Variants in LRRC4C observed in about 807,000 individuals in gnomAD.
LRRC4C encodes leucine rich repeat containing 4C.
Under a neutral mutation model 33.6 loss-of-function variants are expected in LRRC4C, and 5 were observed. The observed-to-expected ratio is 0.15, with a 90% CI of 0.08 to 0.31. The LOEUF is 0.31. Ranked by LOEUF, LRRC4C falls within the 10% of genes least tolerant of loss-of-function variation. LRRC4C has a pLI of 1.00. For synonymous variants in LRRC4C, 329 were observed against 302.0 expected (o/e 1.09, Z -0.93); for missense variants, 560 against 796.7 (o/e 0.70, Z 3.58).
intron 1 of LRRC4C, among the ~76,000 whole-genome samples, chr11:40,965,561 G>A (rs2136926731): frequency 6.6e-6 from 1 of 152,202 alleles, no homozygotes; most frequent in Non-Finnish European, 1.5e-5. Flanking sequence ...TGTAAGGAAG[G>A]GATCCAGTTT....
chr11:40,578,492 T>C (rs1958319347), intron 3 of LRRC4C, among the ~76,000 whole-genome samples: 1 of 152,170 alleles, frequency 6.6e-6, no homozygotes, highest in Admixed American at 6.5e-5. Context: ...GGTCATAAGA[T>C]GACTTACCTC....
chr11:41,017,676 G>A (rs1207817667), intron 1 of LRRC4C, among the ~76,000 whole-genome samples: 1 of 151,600 alleles, frequency 6.6e-6, no homozygotes, highest in Non-Finnish European at 1.5e-5. Context: ...ATGGAGAAAA[G>A]TAAGGGAGAG....
At chr11:41,196,192 T>C (rs924557025) in intron 1 of LRRC4C, among the ~76,000 whole-genome samples, 7 of 152,026 alleles carry the variant, frequency 4.6e-5, no homozygotes, top group African/African-American at 1.7e-4. Flanking sequence ...CTAAAGACAT[T>C]CTCCCTCAAG....
intron 5 of LRRC4C, among the ~76,000 whole-genome samples, chr11:40,206,179 G>T (rs1362667716): frequency 6.6e-6 from 1 of 151,994 alleles, no homozygotes; most frequent in Admixed American, 6.6e-5. Context: ...AATTAATTGA[G>T]GTAATCTTCC....
chr11:40,338,092 C>T (rs970985706), intron 3 of LRRC4C, among the ~76,000 whole-genome samples: 4 of 152,116 alleles, frequency 2.6e-5, no homozygotes, highest in African/African-American at 4.8e-5. Flanking sequence ...TTTCTGTGAT[C>T]GATACTTTCT....
intron 1 of LRRC4C, among the ~76,000 whole-genome samples, chr11:41,198,896 T>C (rs1946292943): frequency 6.6e-6 from 1 of 152,084 alleles, no homozygotes; most frequent in Non-Finnish European, 1.5e-5. Context: ...GAGCAAAATT[T>C]AGAACTCAGC....
chr11:40,175,926 C>A (rs1860444096), intron 5 of LRRC4C, among the ~76,000 whole-genome samples: 1 of 152,108 alleles, frequency 6.6e-6, no homozygotes, highest in South Asian at 2.1e-4. Context: ...GTGTCCCATG[C>A]CCTGAACTAA....
At chr11:40,597,570 A>G (rs1427130168) in intron 3 of LRRC4C, among the ~76,000 whole-genome samples, 2 of 152,188 alleles carry the variant, frequency 1.3e-5, no homozygotes, top group Non-Finnish European at 2.9e-5. Context: ...AAATTGTCAC[A>G]TGTAATAGTA....
At chr11:41,043,293 A>T (rs1348646744) in intron 1 of LRRC4C, among the ~76,000 whole-genome samples, 1 of 152,046 alleles carries the variant, frequency 6.6e-6, no homozygotes, top group African/African-American at 2.4e-5. Flanking sequence ...TGCAGACCAC[A>T]ACACCATCAA....
At chr11:41,155,952 C>T (rs1944213158) in intron 1 of LRRC4C, among the ~76,000 whole-genome samples, 1 of 151,998 alleles carries the variant, frequency 6.6e-6, no homozygotes, top group African/African-American at 2.4e-5. Flanking sequence ...AGCCATCTTC[C>T]ACGTGATGAC....
At chr11:40,933,911 A>T (rs963289724) in intron 1 of LRRC4C, among the ~76,000 whole-genome samples, 188 bp from the exon 2 acceptor site, 1 of 152,178 alleles carries the variant, frequency 6.6e-6, no homozygotes, top group East Asian at 1.9e-4. Context: ...CTTTTCCCAG[A>T]ATATAAAAGG....
intron 1 of LRRC4C, among the ~76,000 whole-genome samples, chr11:41,393,250 AG>A: frequency 6.6e-6 from 1 of 152,050 alleles, no homozygotes; most frequent in East Asian, 1.9e-4. Flanking sequence ...CTGGGAGAAG[AG>A]GCAAAAACTG....
intron 1 of LRRC4C, among the ~76,000 whole-genome samples, chr11:41,080,881 A>C (rs1199197166): frequency 1.3e-5 from 2 of 152,186 alleles, no homozygotes; most frequent in African/African-American, 4.8e-5. Context: ...TTTGTATTTT[A>C]GTTTCCTGTC....
chr11:40,656,036 C>A (rs1328968670), intron 2 of LRRC4C, among the ~76,000 whole-genome samples: 1 of 152,128 alleles, frequency 6.6e-6, no homozygotes, highest in Non-Finnish European at 1.5e-5. Flanking sequence ...ATCAAATCAC[C>A]TTCTACCAGG....
chr11:40,530,196 C>T (rs56060221), intron 3 of LRRC4C, among the ~76,000 whole-genome samples: 2 of 152,018 alleles, frequency 1.3e-5, no homozygotes, highest in African/African-American at 2.4e-5. Flanking sequence ...TCTGACTTCG[C>T]TAGAACTCTA....
At chr11:41,437,435 A>G (rs1338148250) in intron 1 of LRRC4C, among the ~76,000 whole-genome samples, 1 of 151,730 alleles carries the variant, frequency 6.6e-6, no homozygotes. Context: ...GCACACACAC[A>G]CACACACACA....
intron 1 of LRRC4C, among the ~76,000 whole-genome samples, chr11:41,136,212 T>A (rs1428991901): frequency 2.6e-5 from 4 of 152,132 alleles, no homozygotes; most frequent in Non-Finnish European, 5.9e-5. Flanking sequence ...AATAACATGA[T>A]TTCTGGTTTT....
chr11:40,616,142 A>G (rs973954438), intron 3 of LRRC4C, among the ~76,000 whole-genome samples: 3 of 152,088 alleles, frequency 2.0e-5, no homozygotes, highest in African/African-American at 7.2e-5. Flanking sequence ...TTATGCAGCC[A>G]AAAGACACAT....
At chr11:41,348,077 C>T (rs964551740) in intron 1 of LRRC4C, among the ~76,000 whole-genome samples, 6 of 152,140 alleles carry the variant, frequency 3.9e-5, no homozygotes, top group Non-Finnish European at 7.4e-5. Flanking sequence ...AATGACAGAA[C>T]GAAAACTGTA....
Sources: allele counts gnomAD v4.1 joint callset (sites outside exome capture counted in the v4.1 genomes callset), GRCh38; gene constraint gnomAD v4.1.1; transcripts MANE v1.5; gene names NCBI Gene and HGNC (gene_info 2026-07-23, HGNC 2026-07-21).